MTFR1: variants seen among roughly 807,000 people sequenced by gnomAD.
MTFR1 encodes the protein chondrocyte protein with a poly-proline region.
A neutral mutation model predicts 38.8 loss-of-function variants in MTFR1; 28 were observed. The observed-to-expected ratio is 0.72, with a 90% confidence interval of 0.53 to 0.99. The LOEUF (loss-of-function observed/expected upper bound fraction) is 0.99. MTFR1 is among the 50% of genes least tolerant of loss of function. The pLI is 0.00. For synonymous variants in MTFR1, 145 were observed against 137.0 expected, an observed-to-expected ratio of 1.06 and a Z score of -0.41; for missense variants, 358 against 395.5, an observed-to-expected ratio of 0.91 and a Z score of 0.81.
intron 6 of MTFR1, among the ~76,000 whole-genome samples, chr8:65,707,493 T>C (rs762319344): frequency 2.0e-5 from 3 of 152,254 alleles, no homozygotes; most frequent in Non-Finnish European, 4.4e-5. Flanking sequence ...CCTTTTCATG[T>C]AAAGTCTTCA....
At chr8:65,716,715 T>C (rs373447618) in intron 2 of MTFR1, among the ~76,000 whole-genome samples, 3 of 152,352 alleles carry the variant, frequency 2.0e-5, no homozygotes, top group East Asian at 3.9e-4. Flanking sequence ...AAATAGTTAC[T>C]GTGAGCTTGG....
intron 3 of MTFR1, among the ~76,000 whole-genome samples, chr8:65,745,155 G>A (rs1207536419): frequency 6.6e-6 from 1 of 152,102 alleles, no homozygotes; most frequent in African/African-American, 2.4e-5. Context: ...TGTAAGATGT[G>A]CCTTTCACCT....
Position 65,682,092 on chromosome 8 carries a change from A to C in MTFR1, c.67-261A>C, listed in dbSNP as rs1266818585. ...ATAAAATTTTTACTGTAAGTATAGT[A>C]TTTAAAAATTACTGGCTAGTTTATA... On this transcript the variant is annotated intron_variant, in intron 2 of 7. Transcript: ENST00000262146. 3 of 185,964 alleles carry C rather than the reference A, an allele frequency of 1.6e-5. No homozygotes were observed. In the Admixed American group the frequency reaches 1.8e-4, roughly 11 times the overall value. 11.5% of individuals were successfully genotyped at this position (185,964 alleles called of 1,614,324 possible). A position where few individuals can be genotyped will look rare whatever the true frequency, so the allele number is the denominator to read the frequency against.
At chr8:65,716,493 C>CCCTG (rs1368872320) in intron 2 of MTFR1, among the ~76,000 whole-genome samples, 1 of 152,004 alleles carries the variant, frequency 6.6e-6, no homozygotes, top group Admixed American at 6.6e-5. Flanking sequence ...GAAGAGGGTA[C>CCCTG]CCTGGTCCAC....
intron 1 of MTFR1, among the ~76,000 whole-genome samples, chr8:65,664,493 G>C (rs1056456023): frequency 6.6e-6 from 1 of 152,012 alleles, no homozygotes; most frequent in African/African-American, 2.4e-5. Context: ...TTTCTGTCTA[G>C]ATCTAGGTGG....
At chr8:65,701,866 G>T (rs553171344) in intron 4 of MTFR1, among the ~76,000 whole-genome samples, 21 of 152,262 alleles carry the variant, frequency 1.4e-4, no homozygotes, top group Middle Eastern at 3.4e-3. Flanking sequence ...GCAAGAGTAG[G>T]CCAGGAGACT....
chr8:65,647,332 G>A (rs1201507095), intron 1 of MTFR1, among the ~76,000 whole-genome samples: 1 of 152,124 alleles, frequency 6.6e-6, no homozygotes, highest in African/African-American at 2.4e-5. Context: ...TTTTTTTTGA[G>A]ATGGAGTTTT....
At chr8:65,740,649 C>A (rs1018517366) in intron 3 of MTFR1, among the ~76,000 whole-genome samples, 2 of 152,184 alleles carry the variant, frequency 1.3e-5, no homozygotes, top group African/African-American at 2.4e-5. Context: ...ATCCGCCCGC[C>A]TCGGCCTCCC....
At chr8:65,665,154 C>T (rs1274358638) in intron 1 of MTFR1, among the ~76,000 whole-genome samples, 2 of 151,266 alleles carry the variant, frequency 1.3e-5, no homozygotes, top group African/African-American at 2.4e-5. Flanking sequence ...AGTTTGGTCT[C>T]GATCTCTTGA....
chr8:65,693,194 C>T (rs1309951205), intron 3 of MTFR1, among the ~76,000 whole-genome samples: 4 of 151,862 alleles, frequency 2.6e-5, no homozygotes, highest in East Asian at 1.9e-4. Context: ...CAAGGTCAGG[C>T]GTTCGAGACC....
At chr8:65,758,677 G>C (rs117800427) in intron 3 of MTFR1, among the ~76,000 whole-genome samples, 2 of 152,138 alleles carry the variant, frequency 1.3e-5, no homozygotes, top group African/African-American at 4.8e-5. Flanking sequence ...CTCTGAAGAG[G>C]TTATCTCTCT....
chr8:65,765,477 A>T (rs1808731607), intron 3 of MTFR1: 1 of 108,648 alleles, frequency 9.2e-6, no homozygotes, highest in African/African-American at 3.6e-5. Flanking sequence ...CGACAGAGCG[A>T]GACTCCGTCT....
At chr8:65,679,241 G>A (rs570718117) in intron 2 of MTFR1, among the ~76,000 whole-genome samples, 5 of 152,284 alleles carry the variant, frequency 3.3e-5, no homozygotes, top group Non-Finnish European at 7.4e-5. Flanking sequence ...GACTCAAGAA[G>A]AGAAATGACT....
intron 3 of MTFR1, among the ~76,000 whole-genome samples, chr8:65,762,186 A>G (rs748233464): frequency 9.6e-4 from 146 of 152,292 alleles, no homozygotes; most frequent in Non-Finnish European, 1.3e-3. Flanking sequence ...TGGTATTAAA[A>G]CAAACCTGAA....
At chr8:65,715,660 G>A (rs1806103662) in intron 2 of MTFR1, among the ~76,000 whole-genome samples, 1 of 145,858 alleles carries the variant, frequency 6.9e-6, no homozygotes. Context: ...TTACAGGTGT[G>A]AGCCACCATG....
chr8:65,739,459 T>G, intron 3 of MTFR1: 1 of 1,509,498 alleles, frequency 6.6e-7, no homozygotes, highest in Middle Eastern at 1.7e-4. Flanking sequence ...GGTTCTTGTA[T>G]AAATGTAAAT....
At chr8:65,695,611 C>T (rs1805419968) in intron 4 of MTFR1, among the ~76,000 whole-genome samples, 1 of 152,192 alleles carries the variant, frequency 6.6e-6, no homozygotes, top group Non-Finnish European at 1.5e-5. Flanking sequence ...CCTGCCTTGA[C>T]TTCTCAGAGT....
At chr8:65,666,893 C>T (rs1457044429) in intron 1 of MTFR1, among the ~76,000 whole-genome samples, 1 of 152,192 alleles carries the variant, frequency 6.6e-6, no homozygotes, top group East Asian at 1.9e-4. Context: ...CCCATTCACT[C>T]TGTGCCCCAC....
At chr8:65,733,264 C>T (rs1231238786) in intron 3 of MTFR1, among the ~76,000 whole-genome samples, 2 of 152,192 alleles carry the variant, frequency 1.3e-5, no homozygotes, top group Non-Finnish European at 2.9e-5. Context: ...TTCCCTGCCC[C>T]TGGCTTGGGT....
Sources: gnomAD v4.1 joint callset for allele counts (sites outside exome capture counted in the v4.1 genomes callset) on GRCh38, gnomAD v4.1.1 for gene constraint, MANE v1.5 for transcripts, NCBI Gene and HGNC (gene_info 2026-07-23, HGNC 2026-07-21) for gene names.